TATDN1: variants seen among roughly 807,000 people sequenced by gnomAD.
TATDN1 encodes the protein TatD DNase domain containing 1, also known as deoxyribonuclease TATDN1.
In TATDN1, 40 loss-of-function variants were observed where a neutral mutation model predicts 46.4. The ratio of observed to expected loss-of-function variants is 0.86; its 90% CI spans 0.67 to 1.12. The LOEUF (loss-of-function observed/expected upper bound fraction) is 1.12, where lower values mean the gene tolerates loss of function less well. Ranked by LOEUF, TATDN1 falls within the 50% of genes most tolerant of loss-of-function variation. TATDN1 has a pLI of 0.00. For synonymous variants in TATDN1, 95 were observed against 105.6 expected, an observed-to-expected ratio of 0.90 and a Z score of 0.62; for missense variants, 326 against 348.4, an observed-to-expected ratio of 0.94 and a Z score of 0.51.
At chr8:124,495,234 C>G (rs1405152809) in intron 10 of TATDN1, 2 of 502,626 alleles carry the variant, frequency 4.0e-6, no homozygotes, top group African/African-American at 4.0e-5. Flanking sequence ...GAGTTATATT[C>G]TGGCATCTCA....
chr8:124,493,319 G>T (rs1042741307), intron 11 of TATDN1, among the ~76,000 whole-genome samples: 5 of 152,154 alleles, frequency 3.3e-5, no homozygotes, highest in Non-Finnish European at 7.3e-5. Context: ...CCATTAAAAT[G>T]ATATAACCAC....
intron 11 of TATDN1, among the ~76,000 whole-genome samples, chr8:124,492,176 T>C (rs572668660): frequency 6.6e-6 from 1 of 152,254 alleles, no homozygotes; most frequent in Admixed American, 6.5e-5. Flanking sequence ...GATTTCACCA[T>C]GTTGGCCAGG....
chr8:124,505,955 T>G (rs576792542), intron 8 of TATDN1, among the ~76,000 whole-genome samples: 1 of 151,890 alleles, frequency 6.6e-6, no homozygotes, highest in Non-Finnish European at 1.5e-5. Flanking sequence ...GGCAATTTCT[T>G]TTTTGGTAAA....
intron 11 of TATDN1, chr8:124,488,990 G>T: frequency 3.0e-6 from 1 of 335,804 alleles, no homozygotes; most frequent in South Asian, 3.1e-5. Context: ...TGGAAATGAA[G>T]AGTCCTTTTC....
At chr8:124,498,568 A>G (rs893707905) in intron 9 of TATDN1, among the ~76,000 whole-genome samples, 9 of 151,934 alleles carry the variant, frequency 5.9e-5, no homozygotes, top group African/African-American at 2.2e-4. Flanking sequence ...AAGCCCCCCT[A>G]TTGGATTTTG....
At chr8:124,525,422 C>T (rs1040932894) in intron 1 of TATDN1, among the ~76,000 whole-genome samples, 37 of 152,254 alleles carry the variant, frequency 2.4e-4, no homozygotes, top group African/African-American at 8.4e-4. Context: ...GCTGGGATTA[C>T]AGGCATGAGG....
intron 1 of TATDN1, among the ~76,000 whole-genome samples, chr8:124,533,141 A>C (rs1821116447): frequency 6.6e-6 from 1 of 151,844 alleles, no homozygotes; most frequent in Non-Finnish European, 1.5e-5. Context: ...AGTCCCAGCT[A>C]CTCAGGAGGC....
chr8:124,508,125 T>C (rs1818672317), intron 8 of TATDN1, among the ~76,000 whole-genome samples: 1 of 152,254 alleles, frequency 6.6e-6, no homozygotes, highest in African/African-American at 2.4e-5. Flanking sequence ...AAGTATCCCT[T>C]ATCCCAAGTG....
intron 1 of TATDN1, among the ~76,000 whole-genome samples, chr8:124,528,389 G>A (rs1461332820): frequency 6.6e-6 from 1 of 152,130 alleles, no homozygotes; most frequent in African/African-American, 2.4e-5. Context: ...TAGCCAGGAT[G>A]GTCTCGATCT....
At chr8:124,491,318 C>A (rs1329382989) in intron 11 of TATDN1, 1 of 152,340 alleles carries the variant, frequency 6.6e-6, no homozygotes, top group African/African-American at 2.4e-5. Flanking sequence ...GTGCATCCTA[C>A]TTTCTGCCAC....
At chr8:124,533,954 G>C (rs1238634584) in intron 1 of TATDN1, among the ~76,000 whole-genome samples, 1 of 151,816 alleles carries the variant, frequency 6.6e-6, no homozygotes, top group Non-Finnish European at 1.5e-5. Flanking sequence ...AGACCATCCT[G>C]GCTAACACAG....
At chr8:124,500,692 A>C (rs377740990) in intron 9 of TATDN1, among the ~76,000 whole-genome samples, 1 of 151,926 alleles carries the variant, frequency 6.6e-6, no homozygotes, top group Non-Finnish European at 1.5e-5. Flanking sequence ...AAAAAAAAAA[A>C]ACAACAACTA....
At chr8:124,508,746 G>T (rs1373270518) in intron 6 of TATDN1, 58 bp from the exon 7 acceptor site, 6 of 1,103,040 alleles carry the variant, frequency 5.4e-6, no homozygotes, top group African/African-American at 1.6e-5. Context: ...CATGAGGAAG[G>T]TAATGATGTC....
chr8:124,517,515 T>A (rs1819591485), intron 4 of TATDN1, among the ~76,000 whole-genome samples: 1 of 152,036 alleles, frequency 6.6e-6, no homozygotes, highest in African/African-American at 2.4e-5. Flanking sequence ...TAGCTTTTAG[T>A]AAGTTTTCAT....
At chr8:124,537,806 A>G (rs1020309143) in intron 1 of TATDN1, among the ~76,000 whole-genome samples, 2 of 152,024 alleles carry the variant, frequency 1.3e-5, no homozygotes, top group African/African-American at 2.4e-5. Flanking sequence ...TCCCACAGCA[A>G]TTTCAAAACC....
intron 9 of TATDN1, 158 bp downstream of exon 9, chr8:124,504,113 T>C (rs1818205709): frequency 2.9e-6 from 2 of 692,404 alleles, no homozygotes; most frequent in Admixed American, 6.4e-5. Context: ...ATGTACTGTT[T>C]AATTTCTTAA....
intron 11 of TATDN1, chr8:124,491,542 C>G (rs1398693731): frequency 1.3e-5 from 2 of 152,264 alleles, no homozygotes; most frequent in Non-Finnish European, 2.9e-5. Flanking sequence ...CTATCTTGGA[C>G]TCTGTCTGCT....
At chr8:124,497,288 CTTT>C (rs750659706) in intron 9 of TATDN1, among the ~76,000 whole-genome samples, 4 of 101,144 alleles carry the variant, frequency 4.0e-5, no homozygotes, top group Non-Finnish European at 2.5e-5. Context: ...CTTTCTTCTT[CTTT>C]TTTTTTTTTT....
At chr8:124,514,563 A>T (rs755754861) in intron 6 of TATDN1, among the ~76,000 whole-genome samples, 1 of 152,208 alleles carries the variant, frequency 6.6e-6, no homozygotes, top group Non-Finnish European at 1.5e-5. Flanking sequence ...TGGCTGGCAC[A>T]CAGTACTCCA....
Sources: allele counts gnomAD v4.1 joint callset (sites outside exome capture counted in the v4.1 genomes callset), GRCh38; gene constraint gnomAD v4.1.1; transcripts MANE v1.5; gene names NCBI Gene and HGNC (gene_info 2026-07-23, HGNC 2026-07-21).